ATRNL1: variants seen among roughly 807,000 people sequenced by gnomAD.
ATRNL1 encodes the protein attractin-like protein 1.
ATRNL1 carries 95 observed loss-of-function variants against 182.7 expected under a neutral mutation model. The ratio of observed to expected loss-of-function variants is 0.52; its 90% CI spans 0.44 to 0.62. The LOEUF (loss-of-function observed/expected upper bound fraction) is 0.62. ATRNL1 is among the 20% of genes least tolerant of loss of function. The pLI is 0.00. For synonymous variants in ATRNL1, 576 were observed against 568.3 expected (o/e 1.01, Z -0.19); for missense variants, 1,471 against 1,679.5 (o/e 0.88, Z 2.17).
intron 16 of ATRNL1, among the ~76,000 whole-genome samples, chr10:115,301,059 A>G (rs1009644656): frequency 9.9e-5 from 15 of 152,162 alleles, no homozygotes; most frequent in Non-Finnish European, 1.8e-4. Context: ...AAGTTGTAGG[A>G]TATATGAGAA....
chr10:115,918,729 G>A (rs1555117999), intron 28 of ATRNL1, among the ~76,000 whole-genome samples: 2 of 152,174 alleles, frequency 1.3e-5, no homozygotes, highest in Non-Finnish European at 2.9e-5. Flanking sequence ...TGGGCTTTAG[G>A]TGCTAAAGAA....
At chr10:115,261,238 A>T (rs1435171526) in intron 10 of ATRNL1, among the ~76,000 whole-genome samples, 2 of 152,158 alleles carry the variant, frequency 1.3e-5, no homozygotes, top group Non-Finnish European at 2.9e-5. Context: ...ACACCAATCA[A>T]ATCATACTAA....
intron 19 of ATRNL1, among the ~76,000 whole-genome samples, chr10:115,365,512 C>G (rs1554945665): frequency 6.6e-6 from 1 of 152,074 alleles, no homozygotes; most frequent in African/African-American, 2.4e-5. Flanking sequence ...TTTTGTGTCT[C>G]TATTTCCTTC....
At chr10:115,911,699 C>T (rs185405239) in intron 28 of ATRNL1, among the ~76,000 whole-genome samples, 55 of 152,202 alleles carry the variant, frequency 3.6e-4, no homozygotes, top group African/African-American at 8.9e-4. Context: ...AGCCGGTGGG[C>T]GTGGCAGTCA....
At chr10:115,515,992 A>T (rs1246466201) in intron 24 of ATRNL1, among the ~76,000 whole-genome samples, 2 of 151,594 alleles carry the variant, frequency 1.3e-5, no homozygotes, top group African/African-American at 4.8e-5. Context: ...CCTCTTAGAG[A>T]TAATTTCTCC....
intron 26 of ATRNL1, among the ~76,000 whole-genome samples, chr10:115,673,593 A>G (rs1945768155): frequency 6.6e-6 from 1 of 152,082 alleles, no homozygotes; most frequent in Admixed American, 6.6e-5. Flanking sequence ...AAGTTCAAGA[A>G]CTATATGCAA....
chr10:115,660,666 G>A (rs1441268018), intron 26 of ATRNL1, among the ~76,000 whole-genome samples: 1 of 152,058 alleles, frequency 6.6e-6, no homozygotes, highest in East Asian at 1.9e-4. Context: ...CCTTGATTGA[G>A]ACAGTTTCCA....
chr10:115,859,718 C>T (rs1951268088), intron 28 of ATRNL1, among the ~76,000 whole-genome samples: 1 of 152,104 alleles, frequency 6.6e-6, no homozygotes, highest in Non-Finnish European at 1.5e-5. Context: ...CTCGGGTCCT[C>T]CCACAGACTG....
intron 8 of ATRNL1, among the ~76,000 whole-genome samples, chr10:115,183,238 T>C (rs1272775829): frequency 2.0e-5 from 3 of 151,602 alleles, no homozygotes; most frequent in Non-Finnish European, 3.0e-5. Flanking sequence ...ATCAGAAGTA[T>C]ATTTATAACA....
intron 13 of ATRNL1, among the ~76,000 whole-genome samples, chr10:115,276,074 A>G (rs555516537): frequency 1.6e-4 from 24 of 152,202 alleles, no homozygotes; most frequent in African/African-American, 5.3e-4. Flanking sequence ...GGGAAGTCCA[A>G]GATCTTGGTG....
chr10:115,691,839 G>A (rs530029282), intron 26 of ATRNL1, among the ~76,000 whole-genome samples: 5 of 151,590 alleles, frequency 3.3e-5, no homozygotes, highest in Non-Finnish European at 7.4e-5. Context: ...TTAAGTTGTC[G>A]ATTTTGTTTA....
At chr10:115,615,103 C>A (rs1215135518) in intron 26 of ATRNL1, among the ~76,000 whole-genome samples, 3 of 151,828 alleles carry the variant, frequency 2.0e-5, no homozygotes, top group Non-Finnish European at 4.4e-5. Flanking sequence ...TCCTTTGTTT[C>A]TTTCTTACTT....
intron 24 of ATRNL1, among the ~76,000 whole-genome samples, chr10:115,517,321 G>C (rs1313542075): frequency 6.6e-6 from 1 of 151,596 alleles, no homozygotes; most frequent in Non-Finnish European, 1.5e-5. Context: ...ATTTCACTTT[G>C]CTATTAATAT....
intron 15 of ATRNL1, among the ~76,000 whole-genome samples, chr10:115,293,685 A>G (rs1399457888): frequency 6.6e-6 from 1 of 152,152 alleles, no homozygotes; most frequent in Non-Finnish European, 1.5e-5. Context: ...TTGTCTGTGG[A>G]AGATATTATT....
At chr10:115,911,986 C>T (rs914423040) in intron 28 of ATRNL1, among the ~76,000 whole-genome samples, 1 of 152,202 alleles carries the variant, frequency 6.6e-6, no homozygotes, top group Non-Finnish European at 1.5e-5. Context: ...TTTCTCACCA[C>T]TACACCATGC....
chr10:115,883,291 T>C (rs1377917741), intron 28 of ATRNL1, among the ~76,000 whole-genome samples: 2 of 152,206 alleles, frequency 1.3e-5, no homozygotes, highest in African/African-American at 4.8e-5. Flanking sequence ...CTGTCCTCAA[T>C]AAAACTCTCT....
At chr10:115,627,612 C>T (rs1555025035) in intron 26 of ATRNL1, among the ~76,000 whole-genome samples, 1 of 152,094 alleles carries the variant, frequency 6.6e-6, no homozygotes, top group Non-Finnish European at 1.5e-5. Flanking sequence ...GTGATGCGCT[C>T]CCCTGAGCCT....
intron 27 of ATRNL1, among the ~76,000 whole-genome samples, chr10:115,744,758 G>T (rs958188030): frequency 1.6e-4 from 24 of 152,014 alleles, no homozygotes; most frequent in African/African-American, 5.8e-4. Context: ...TTTTCATCCA[G>T]CACTGAACGA....
intron 26 of ATRNL1, among the ~76,000 whole-genome samples, chr10:115,562,374 A>T (rs1161188072): frequency 1.3e-5 from 2 of 152,172 alleles, no homozygotes; most frequent in African/African-American, 4.8e-5. Flanking sequence ...GGGATGATGA[A>T]AATGTTTTAA....
Sources: allele counts gnomAD v4.1 joint callset (sites outside exome capture counted in the v4.1 genomes callset), GRCh38; gene constraint gnomAD v4.1.1; transcripts MANE v1.5; gene names NCBI Gene and HGNC (gene_info 2026-07-23, HGNC 2026-07-21).